Variants in NOL4 observed in about 807,000 individuals in gnomAD.
NOL4 encodes the protein nucleolar protein 4.
A neutral mutation model predicts 75.9 loss-of-function variants in NOL4; 17 were observed. That is an observed-to-expected ratio of 0.22 (90% CI 0.15 to 0.34). The LOEUF is 0.34. Ranked by LOEUF, NOL4 falls within the 10% of genes least tolerant of loss-of-function variation. The probability of loss-of-function intolerance (pLI) is 1.00; values close to 1 mark genes in which losing one functional copy is unlikely to be tolerated. For synonymous variants in NOL4, 292 were observed against 289.9 expected (o/e 1.01, Z -0.07); for missense variants, 614 against 793.5 (o/e 0.77, Z 2.72).
intron 6 of NOL4, among the ~76,000 whole-genome samples, chr18:33,998,182 T>A (rs912885772): frequency 3.3e-5 from 5 of 151,900 alleles, no homozygotes; most frequent in African/African-American, 1.2e-4. Flanking sequence ...GTGATGGAAA[T>A]CAAAAATTAA....
intron 1 of NOL4, among the ~76,000 whole-genome samples, chr18:34,198,488 T>C (rs1425227551): frequency 1.3e-5 from 2 of 151,930 alleles, no homozygotes; most frequent in Non-Finnish European, 2.9e-5. Flanking sequence ...ATTCCCATTA[T>C]ATTTTCAAAT....
At position 33,852,802 on chromosome 18, in the gene NOL4, C is replaced by T. The variant is rs779066858; in HGVS notation, c.*40G>A. 2.6e-6 allele frequency: 4 copies of T among 1,560,664 alleles called. No individual in the cohort carries two copies. The African/African-American group carries it at 5.4e-5, about 21-fold the overall frequency. Reference sequence around the variant, plus strand: ...GAAATCAAAATGTCATTAGTGGAAACTGCAAATTTAGACCTCAGTGAATAT... The same window carrying T: ...GAAATCAAAATGTCATTAGTGGAAATTGCAAATTTAGACCTCAGTGAATAT... On this transcript the variant is annotated 3_prime_UTR_variant, in exon 11 of 11. Transcript: ENST00000261592.
chr18:33,888,772 G>T (rs538116625), intron 9 of NOL4, among the ~76,000 whole-genome samples: 1 of 152,112 alleles, frequency 6.6e-6, no homozygotes, highest in South Asian at 2.1e-4. Context: ...TGTTTCCTTT[G>T]TCCATATATC....
intron 5 of NOL4, among the ~76,000 whole-genome samples, chr18:34,078,652 A>G (rs1039226345): frequency 6.6e-6 from 1 of 152,266 alleles, no homozygotes; most frequent in African/African-American, 2.4e-5. Context: ...CAATATGAAA[A>G]CAATAATTCA....
chr18:34,097,694 T>C (rs758549437), intron 4 of NOL4, among the ~76,000 whole-genome samples: 1 of 152,196 alleles, frequency 6.6e-6, no homozygotes, highest in African/African-American at 2.4e-5. Flanking sequence ...ATGACTACCA[T>C]CTTAGGCAGT....
intron 1 of NOL4, among the ~76,000 whole-genome samples, chr18:34,209,379 T>TA (rs913286114): frequency 2.6e-5 from 4 of 152,090 alleles, no homozygotes; most frequent in Admixed American, 6.6e-5. Flanking sequence ...ACCATAACTC[T>TA]AAAAAATATG....
rs1408815881 is a variant in NOL4, at chr18:33,997,494, T to C, written c.1056+21824A>G. 2.5e-4 allele frequency among the ~76,000 whole-genome samples: 3 copies of C among 12,156 alleles called. No individual in the cohort carries two copies. In the Admixed American group the frequency reaches 3.7e-3, roughly 15 times the overall value. The allele number at this position is 12,156 out of a possible 152,430, so 8.0% of individuals were successfully genotyped here. On this transcript the variant is annotated intron_variant, in intron 6 of 10. Transcript: ENST00000261592. ...TGTGGCTCTGAAGTATAGTTTGAGGTGGGGTAATGTGATCGTCTGGCTTTG... is the reference window on the plus strand; with the variant it reads ...TGTGGCTCTGAAGTATAGTTTGAGGCGGGGTAATGTGATCGTCTGGCTTTG...
At chr18:33,979,347 T>C (rs1276765353) in intron 6 of NOL4, among the ~76,000 whole-genome samples, 1 of 152,046 alleles carries the variant, frequency 6.6e-6, no homozygotes, top group African/African-American at 2.4e-5. Context: ...TATTGAAATT[T>C]GAGATTTATT....
chr18:34,139,631 C>T (rs1019301378), intron 1 of NOL4, among the ~76,000 whole-genome samples: 1 of 152,020 alleles, frequency 6.6e-6, no homozygotes, highest in African/African-American at 2.4e-5. Flanking sequence ...AAAACCAGCT[C>T]CTGGATTCAT....
chr18:34,198,297 T>G (rs1294088578), intron 1 of NOL4, among the ~76,000 whole-genome samples: 1 of 151,842 alleles, frequency 6.6e-6, no homozygotes, highest in African/African-American at 2.4e-5. Context: ...ATACGGGATA[T>G]CTCATTGATT....
intron 1 of NOL4, among the ~76,000 whole-genome samples, chr18:34,197,775 A>G (rs915808822): frequency 1.3e-5 from 2 of 151,974 alleles, no homozygotes; most frequent in Admixed American, 6.6e-5. Context: ...GGGAGGAAGC[A>G]TCATTAATTT....
At chr18:33,971,140 A>T (rs146687382) in intron 6 of NOL4, among the ~76,000 whole-genome samples, 248 of 152,354 alleles carry the variant, frequency 1.6e-3, no homozygotes, top group African/African-American at 5.6e-3. Flanking sequence ...GGCTGAAAAC[A>T]GTTCAGTTTT....
At chr18:33,975,214 T>C (rs1413815801) in intron 6 of NOL4, among the ~76,000 whole-genome samples, 1 of 152,236 alleles carries the variant, frequency 6.6e-6, no homozygotes, top group East Asian at 1.9e-4. Context: ...GTTTCCATTC[T>C]GCAAGATGAA....
At chr18:34,200,276 T>C (rs1463304759) in intron 1 of NOL4, among the ~76,000 whole-genome samples, 1 of 151,736 alleles carries the variant, frequency 6.6e-6, no homozygotes, top group Non-Finnish European at 1.5e-5. Context: ...GTAATTAATA[T>C]ATCCTGATAA....
At chr18:34,058,732 G>A (rs1030761032) in intron 5 of NOL4, among the ~76,000 whole-genome samples, 4 of 152,030 alleles carry the variant, frequency 2.6e-5, no homozygotes. Flanking sequence ...TTAACCCAGT[G>A]CCTGCACTGT....
intron 6 of NOL4, among the ~76,000 whole-genome samples, chr18:33,986,161 A>T (rs1484747587): frequency 2.0e-5 from 3 of 152,146 alleles, no homozygotes; most frequent in Non-Finnish European, 4.4e-5. Context: ...AAACCATGTT[A>T]TATTCTCTTA....
chr18:34,087,656 T>C (rs898412003), intron 5 of NOL4, among the ~76,000 whole-genome samples: 2 of 152,090 alleles, frequency 1.3e-5, no homozygotes, highest in African/African-American at 4.8e-5. Context: ...TAATGAAATA[T>C]TGGACCTCAC....
chr18:33,983,190 G>T (rs1213589007), intron 6 of NOL4, among the ~76,000 whole-genome samples: 1 of 152,074 alleles, frequency 6.6e-6, no homozygotes, highest in Non-Finnish European at 1.5e-5. Context: ...AGGGGTTAGG[G>T]GGAGGAAGGG....
chr18:34,046,409 G>T (rs761368668), intron 5 of NOL4, among the ~76,000 whole-genome samples: 2 of 151,754 alleles, frequency 1.3e-5, no homozygotes, highest in African/African-American at 4.8e-5. Context: ...CCAGTCTTCA[G>T]TTGACAGCCA....
Sources: gnomAD v4.1 joint callset for allele counts (sites outside exome capture counted in the v4.1 genomes callset) on GRCh38, gnomAD v4.1.1 for gene constraint, MANE v1.5 for transcripts, NCBI Gene and HGNC (gene_info 2026-07-23, HGNC 2026-07-21) for gene names.